Variants in LMOD2 observed in about 807,000 individuals in gnomAD.
LMOD2 encodes leiomodin-2.
Under a neutral mutation model 41.7 loss-of-function variants are expected in LMOD2, and 27 were observed. The ratio of observed to expected loss-of-function variants is 0.65; its 90% CI spans 0.48 to 0.89. The LOEUF (loss-of-function observed/expected upper bound fraction) is 0.89. Among genes scored for constraint, LMOD2 ranks in the 40% least tolerant of loss-of-function variants. The pLI is 0.00. For missense variants in LMOD2, 624 were observed against 667.9 expected, an observed-to-expected ratio of 0.93 and a Z score of 0.72; for synonymous variants, 251 against 244.6, an observed-to-expected ratio of 1.03 and a Z score of -0.25.
chr7:123,663,877 C>A lies in LMOD2; in HGVS notation c.*132C>A. ...TTAAAAATAATCTCACCCATTAATT[C>A]CAAAGAGAATCTTAAGAAACAATCA... On this transcript the variant is annotated 3_prime_UTR_variant, in exon 3 of 3. Coordinates refer to ENST00000458573, the MANE Select transcript of LMOD2 (RefSeq NM_207163.3). 1 of 692,966 alleles carries A rather than the reference C, an allele frequency of 1.4e-6. No homozygotes were observed. The highest frequency in any genetic ancestry group is 2.1e-5 in the South Asian group (1 of 47,442). The allele number at this position is 692,966 out of a possible 1,614,324, so 42.9% of individuals were successfully genotyped here. A position where few individuals can be genotyped will look rare whatever the true frequency, so the allele number is the denominator to read the frequency against.
Position 123,663,802 on chromosome 7 carries a change from T to C in LMOD2, c.*57T>C. The C allele has an allele frequency of 7.1e-7, 1 of 1,404,156 alleles. No individual in the cohort carries two copies. The highest frequency in any genetic ancestry group is 1.3e-5 in the South Asian group (1 of 78,168). 87.0% of individuals were successfully genotyped at this position (1,404,156 alleles called of 1,614,324 possible). ...GTTCAGTGGTATTACATGAAATGCATTGTGAGATGTTTCTAAAATACCTTC... is the reference window on the plus strand; with the variant it reads ...GTTCAGTGGTATTACATGAAATGCACTGTGAGATGTTTCTAAAATACCTTC... On this transcript the variant is annotated 3_prime_UTR_variant, in exon 3 of 3. Coordinates refer to ENST00000458573, the MANE Select transcript of LMOD2 (RefSeq NM_207163.3).
rs1802783543 is a variant in LMOD2, at chr7:123,656,163, A to G, written c.200A>G (p.Glu67Gly). The change falls in exon 1 of 3, where the codon GAG becomes GGG. Residue 67 changes from glutamate to glycine, a missense_variant. Coordinates refer to ENST00000458573, the MANE Select transcript of LMOD2 (RefSeq NM_207163.3). ...ACCCCCACAGGGACATTCAGCAGAG[A>G]GGCACTGATGGCCTATTGGGAAAAG... ...EKTPTGTFSREALMAYWEKES... is the reference protein window; with the variant it reads ...EKTPTGTFSRGALMAYWEKES... The G allele has an allele frequency of 1.2e-6, 2 of 1,610,096 alleles. No individual in the cohort carries two copies. Among genetic ancestry groups the G allele is most frequent in the African/African-American group, 2.7e-5 (2 of 74,968 alleles).
intron 1 of LMOD2, among the ~76,000 whole-genome samples, chr7:123,660,138 C>T (rs554016960): frequency 2.4e-4 from 36 of 152,232 alleles, no homozygotes; most frequent in Non-Finnish European, 4.7e-4. Flanking sequence ...TTTCCTTCCT[C>T]GGGTTAATCC....
In LMOD2 at chr7:123,662,472, A is replaced by AC; in HGVS notation, c.887dup (p.Val297GlyfsTer9). Reference sequence around the variant, plus strand: ...CATCATGAGAGCTCTCCAGCACAACACGGTGCTCACGGAGCTGCGTTTCCA... The same window carrying AC: ...CATCATGAGAGCTCTCCAGCACAACACCGGTGCTCACGGAGCTGCGTTTCCA... On this transcript the variant is annotated frameshift_variant, in exon 2 of 3. Transcript: ENST00000458573. LOFTEE classifies it high-confidence loss of function. This position sits in a 1 kb window ranked among gnomAD's most constrained non-coding sequence, Gnocchi z 4.0. The AC allele has an allele frequency of 6.2e-7, 1 of 1,613,882 alleles. No homozygotes were observed. Among genetic ancestry groups the AC allele is most frequent in the Non-Finnish European group, 8.5e-7 (1 of 1,179,864 alleles).
intron 1 of LMOD2, among the ~76,000 whole-genome samples, chr7:123,656,470 A>G (rs773624442): frequency 3.9e-5 from 6 of 152,240 alleles, no homozygotes. Context: ...GATTACAAAT[A>G]GAAAGCTCAA....
intron 1 of LMOD2, among the ~76,000 whole-genome samples, chr7:123,661,229 G>A (rs1232809776): frequency 2.6e-5 from 4 of 152,150 alleles, no homozygotes; most frequent in African/African-American, 7.2e-5. Context: ...GCCCTGTGCC[G>A]GGCTCTACCG....
At position 123,663,050 on chromosome 7, in the gene LMOD2, G is replaced by C. The variant is rs1226928618; in HGVS notation, c.1464G>C (p.Gln488His). The C allele has an allele frequency of 6.4e-7, 1 of 1,555,388 alleles. No homozygotes were observed. Among genetic ancestry groups the C allele is most frequent in the Non-Finnish European group, 8.7e-7 (1 of 1,149,390 alleles). The change falls in exon 2 of 3, where the codon CAG (glutamine) becomes CAC (histidine). Residue 488 changes from glutamine (Q) to histidine (H), a missense_variant. Coordinates refer to ENST00000458573, the MANE Select transcript of LMOD2 (RefSeq NM_207163.3). ...AAAAAGGGAAAAAGGTCAAGAAACAGCCAAACAGTATTCTAAAGGAAATAA... is the reference window on the plus strand; with the variant it reads ...AAAAAGGGAAAAAGGTCAAGAAACACCCAAACAGTATTCTAAAGGAAATAA... ...KKKKGKKVKK[Q>H]PNSILKEIKN...
At position 123,662,861 on chromosome 7, in the gene LMOD2, C is replaced by CCTT. The variant is rs1562951680; in HGVS notation, c.1276_1277insTTC (p.Pro425_Pro426insLeu). The stretch of plus-strand genomic sequence containing the variant: ...CTGTGGCCACACCTCCTCCTCCTCC[C>CCTT]CCTCCTCCTCCTCCTCCCCCTCCTT... On this transcript the variant is annotated inframe_insertion, in exon 2 of 3. Transcript: ENST00000458573. The surrounding 1 kb of genome is among the most constrained non-coding windows in gnomAD (Gnocchi z 4.0). 1 of 1,527,294 alleles carries CCTT rather than the reference C, an allele frequency of 6.5e-7. No homozygotes were observed. The highest frequency in any genetic ancestry group is 8.9e-7 in the Non-Finnish European group (1 of 1,125,448). The allele number at this position is 1,527,294 out of a possible 1,614,324, so 94.6% of individuals were successfully genotyped here. A position where few individuals can be genotyped will look rare whatever the true frequency, so the allele number is the denominator to read the frequency against.
In LMOD2 at chr7:123,662,919, C is replaced by A. The variant is rs767870153; in HGVS notation, c.1333C>A (p.Pro445Thr). The change falls in exon 2 of 3, where the codon CCC (proline) becomes ACC (threonine). Residue 445 changes from proline to threonine, a missense_variant. Pro to Thr is a conservative substitution (Grantham distance 38). Transcript: ENST00000458573. The surrounding 1 kb of genome is among the most constrained non-coding windows in gnomAD (Gnocchi z 4.0). ...SQRLPPPPPP[P>T]PPPLPEKKLI... ...AAGGCTGCCACCACCTCCTCCTCCT[C>A]CCCCTCCTCCACTCCCAGAGAAAAA... 2 of 1,553,276 alleles carry A rather than the reference C, an allele frequency of 1.3e-6. No homozygotes were observed. The highest frequency in any genetic ancestry group is 1.7e-6 in the Non-Finnish European group (2 of 1,148,268).
intron 1 of LMOD2, among the ~76,000 whole-genome samples, chr7:123,661,370 A>C (rs1485291754): frequency 1.3e-5 from 2 of 152,228 alleles, no homozygotes; most frequent in Non-Finnish European, 2.9e-5. Flanking sequence ...GAATTTTTGA[A>C]TTAAAAAGGG....
chr7:123,663,489 T>C (rs1802925420), intron 2 of LMOD2: 1 of 603,874 alleles, frequency 1.7e-6, no homozygotes, highest in African/African-American at 1.9e-5. Context: ...CCAGGGAATA[T>C]AATCTAAATT....
At chr7:123,658,677 T>C (rs1030205708) in intron 1 of LMOD2, among the ~76,000 whole-genome samples, 2 of 152,218 alleles carry the variant, frequency 1.3e-5, no homozygotes, top group African/African-American at 4.8e-5. Context: ...TTTAACTTTC[T>C]GCACTTGAGA....
At chr7:123,658,441 G>A (rs922703571) in intron 1 of LMOD2, among the ~76,000 whole-genome samples, 2 of 152,178 alleles carry the variant, frequency 1.3e-5, no homozygotes, top group African/African-American at 2.4e-5. Context: ...GAGAAGGAGC[G>A]GAGGGTCTTG....
At chr7:123,663,573 A>C (rs1802926470) in intron 2 of LMOD2, 146 bp from the exon 3 acceptor site, 3 of 709,280 alleles carry the variant, frequency 4.2e-6, no homozygotes, top group South Asian at 3.8e-5. Context: ...TTATAACATA[A>C]AATTTATAAT....
chr7:123,661,111 A>G (rs1019420591), intron 1 of LMOD2, among the ~76,000 whole-genome samples: 1 of 152,012 alleles, frequency 6.6e-6, no homozygotes, highest in Non-Finnish European at 1.5e-5. Flanking sequence ...CTGGATTTTG[A>G]CCTCCTGCTG....
chr7:123,656,018 G>T lies in LMOD2; in HGVS notation c.55G>T (p.Asp19Tyr). The part of the protein sequence containing the change: ...GLSKYESIDE[D>Y]ELLASLSAEE... ...CAGTAAATACGAATCCATCGACGAG[G>T]ATGAACTCCTCGCCTCCCTGTCAGC... Residue 19 changes from aspartate (D) to tyrosine (Y), a missense_variant, in exon 1 of 3, where the codon GAT becomes TAT. Physicochemically the swap from Asp to Tyr is radical, Grantham distance 160. Coordinates refer to ENST00000458573, the MANE Select transcript of LMOD2 (RefSeq NM_207163.3). The T allele has an allele frequency of 6.2e-7, 1 of 1,610,272 alleles. No individual in the cohort carries two copies. The highest frequency in any genetic ancestry group is 8.5e-7 in the Non-Finnish European group (1 of 1,178,380).
chr7:123,657,811 CAAAAAAAAAAA>C (rs1009900124), intron 1 of LMOD2, among the ~76,000 whole-genome samples: 1 of 36,012 alleles, frequency 2.8e-5, no homozygotes, highest in Non-Finnish European at 5.0e-5. Context: ...CTCATCTCTA[CAAAAAAAAAAA>C]AAAAAAAAAA....
chr7:123,657,239 CA>C (rs368995159), intron 1 of LMOD2, among the ~76,000 whole-genome samples: 16 of 148,698 alleles, frequency 1.1e-4, no homozygotes, highest in South Asian at 4.3e-4. Flanking sequence ...GTCCATATAA[CA>C]AAAAAAAAAT....
intron 1 of LMOD2, among the ~76,000 whole-genome samples, chr7:123,659,342 G>C (rs1293019547): frequency 5.9e-5 from 9 of 152,138 alleles, no homozygotes; most frequent in Non-Finnish European, 1.2e-4. Context: ...GCCCCCTAGG[G>C]ACAGAGTATT....
Sources: gnomAD v4.1 joint callset for allele counts (sites outside exome capture counted in the v4.1 genomes callset) on GRCh38, gnomAD v4.1.1 for gene constraint, Gnocchi (gnomAD v3.1) non-coding constraint, MANE v1.5 for transcripts, NCBI Gene and HGNC (gene_info 2026-07-23, HGNC 2026-07-21) for gene names.